Variants in SCEL observed in about 807,000 individuals in gnomAD.
SCEL encodes the protein sciellin.
A neutral mutation model predicts 117.6 loss-of-function variants in SCEL; 113 were observed. That is an observed-to-expected ratio of 0.96 (90% confidence interval 0.83 to 1.12). SCEL has a LOEUF of 1.12. Ranked by LOEUF, SCEL falls within the 50% of genes most tolerant of loss-of-function variation. The pLI, the probability that SCEL is intolerant of heterozygous loss-of-function variation, is 0.00. For missense variants in SCEL, 785 were observed against 810.8 expected (o/e 0.97, Z 0.39); for synonymous variants, 270 against 256.2 (o/e 1.05, Z -0.51).
At chr13:77,598,565 C>T (rs1294458359) in intron 13 of SCEL, among the ~76,000 whole-genome samples, 2 of 152,238 alleles carry the variant, frequency 1.3e-5, no homozygotes, top group Non-Finnish European at 2.9e-5. Context: ...GAGCAAATGC[C>T]CTGTCTGAGC....
chr13:77,593,638 C>A, intron 12 of SCEL, 65 bp downstream of exon 12: 1 of 1,204,260 alleles, frequency 8.3e-7, no homozygotes, highest in Non-Finnish European at 1.2e-6. Context: ...TGCTTAACCA[C>A]ACCTTTAAAA....
At chr13:77,641,222 T>C (rs74095832) in intron 31 of SCEL, among the ~76,000 whole-genome samples, 6,146 of 152,278 alleles carry the variant, frequency 0.04, 403 homozygotes, top group African/African-American at 0.14. Context: ...TCAGTCTGCT[T>C]TTGAGAGCAT....
chr13:77,582,201 A>G (rs2041925925), intron 9 of SCEL, among the ~76,000 whole-genome samples: 1 of 152,050 alleles, frequency 6.6e-6, no homozygotes, highest in South Asian at 2.1e-4. Flanking sequence ...TTTGTTTGTC[A>G]TCTGTGTATC....
chr13:77,615,632 A>G (rs2088965946), intron 24 of SCEL, among the ~76,000 whole-genome samples: 1 of 152,110 alleles, frequency 6.6e-6, no homozygotes, highest in African/African-American at 2.4e-5. Flanking sequence ...TGAGAGAAAA[A>G]ATGTTACATT....
Position 77,644,308 on chromosome 13 carries a change from C to A in SCEL, c.*34C>A, listed in dbSNP as rs199698710. 1 of 1,606,670 alleles carries A rather than the reference C, an allele frequency of 6.2e-7. No individual in the cohort carries two copies. Reference sequence around the variant, plus strand: ...CAAGGAAATCAAGATGAAAAGCACTCATTAAGGAATTAAAGTTACAAGTTT... The same window carrying A: ...CAAGGAAATCAAGATGAAAAGCACTAATTAAGGAATTAAAGTTACAAGTTT... On this transcript the variant is annotated 3_prime_UTR_variant, in exon 33 of 33. Transcript: ENST00000349847.
chr13:77,586,363 C>T (rs552887135), intron 9 of SCEL, among the ~76,000 whole-genome samples: 1 of 152,188 alleles, frequency 6.6e-6, no homozygotes, highest in African/African-American at 2.4e-5. Flanking sequence ...CCCGCTTTCT[C>T]TCTGTCCAGC....
intron 9 of SCEL, among the ~76,000 whole-genome samples, chr13:77,574,136 A>G (rs918077621): frequency 6.6e-6 from 1 of 152,234 alleles, no homozygotes; most frequent in Non-Finnish European, 1.5e-5. Flanking sequence ...TTATTCCAAT[A>G]TCATTATAAA....
rs1463237782 is a variant in SCEL at position 77,644,733 on chromosome 13, C to A, written c.*459C>A. On this transcript the variant is annotated 3_prime_UTR_variant, in exon 33 of 33. Transcript: ENST00000349847. ...AAATACTAACAACAATTTTCTTATA[C>A]AGTTTGGCAGAAAGATGTTAACATA... 6.5e-6 allele frequency: 1 copy of A among 153,622 alleles called. No individual in the cohort carries two copies. The highest frequency in any genetic ancestry group is 6.5e-5 in the Admixed American group (1 of 15,458). 9.5% of individuals were successfully genotyped at this position (153,622 alleles called of 1,614,324 possible). A position where few individuals can be genotyped will look rare whatever the true frequency, so the allele number is the denominator to read the frequency against.
At chr13:77,564,694 G>A (rs528935350) in intron 5 of SCEL, among the ~76,000 whole-genome samples, 1 of 152,278 alleles carries the variant, frequency 6.6e-6, no homozygotes, top group African/African-American at 2.4e-5. Context: ...AAGATGTGCT[G>A]CAATTGCAGG....
intron 9 of SCEL, among the ~76,000 whole-genome samples, chr13:77,582,475 G>A (rs1193929125): frequency 6.6e-6 from 1 of 152,136 alleles, no homozygotes; most frequent in Non-Finnish European, 1.5e-5. Flanking sequence ...TGATCCTCCT[G>A]CCTCGGCCTC....
chr13:77,604,710 A>G (rs1209223470), intron 19 of SCEL, among the ~76,000 whole-genome samples: 2 of 152,146 alleles, frequency 1.3e-5, no homozygotes, highest in African/African-American at 4.8e-5. Context: ...GTGTGAGTAC[A>G]TGTATTAGTG....
rs762035960 is a variant in SCEL, at chr13:77,640,694, T to A, written c.1857T>A (p.Asp619Glu). 1 of 1,591,026 alleles carries A rather than the reference T, an allele frequency of 6.3e-7. No homozygotes were observed. Among genetic ancestry groups the A allele is most frequent in the Non-Finnish European group, 8.6e-7 (1 of 1,163,974 alleles). The change falls in exon 31 of 33, where the codon GAT (aspartate) becomes GAA (glutamate). Residue 619 changes from aspartate (D) to glutamate (E), a missense_variant. Transcript: ENST00000349847. ...STSDRSVIER[D>E]MCTYCRKPLG... ...TCTATAGGTCTGTCATTGAAAGAGA[T>A]ATGTGCACTTACTGCCGAAAACCCT...
intron 10 of SCEL, 88 bp from the exon 11 acceptor site, chr13:77,591,307 T>C: frequency 1.2e-6 from 1 of 829,072 alleles, no homozygotes; most frequent in Non-Finnish European, 2.0e-6. Context: ...CTGATCTTTT[T>C]GTACATAAAT....
intron 2 of SCEL, among the ~76,000 whole-genome samples, chr13:77,556,310 G>C (rs1382093418): frequency 6.6e-6 from 1 of 152,170 alleles, no homozygotes; most frequent in Non-Finnish European, 1.5e-5. Flanking sequence ...TCCTGGCTCA[G>C]TTTATCCCAG....
intron 9 of SCEL, among the ~76,000 whole-genome samples, 153 bp downstream of exon 9, chr13:77,572,342 G>T (rs2085686877): frequency 6.6e-6 from 1 of 152,154 alleles, no homozygotes; most frequent in Non-Finnish European, 1.5e-5. Flanking sequence ...TGGTTGTAAG[G>T]TCAGGGCTAC....
chr13:77,550,425 A>C (rs887517036), intron 1 of SCEL, among the ~76,000 whole-genome samples: 10 of 149,098 alleles, frequency 6.7e-5, no homozygotes, highest in African/African-American at 9.8e-5. Context: ...ATATATATAT[A>C]TCTCCAAGGT....
intron 28 of SCEL, among the ~76,000 whole-genome samples, chr13:77,631,099 A>T (rs2090000991): frequency 6.6e-6 from 1 of 152,130 alleles, no homozygotes; most frequent in Non-Finnish European, 1.5e-5. Flanking sequence ...CCTTGACTGT[A>T]TAAGGAGCTC....
intron 13 of SCEL, among the ~76,000 whole-genome samples, chr13:77,598,813 G>A (rs946625969): frequency 3.9e-5 from 6 of 152,164 alleles, no homozygotes; most frequent in Non-Finnish European, 8.8e-5. Context: ...CTCCCAAGTA[G>A]CTGGGACTAC....
chr13:77,623,440 T>C (rs1349651557), intron 27 of SCEL: 1 of 152,202 alleles, frequency 6.6e-6, no homozygotes, highest in Non-Finnish European at 1.5e-5. Context: ...TTGTTCCTTT[T>C]CCACTTCCAT....
Sources: allele counts gnomAD v4.1 joint callset (sites outside exome capture counted in the v4.1 genomes callset), GRCh38; gene constraint gnomAD v4.1.1; transcripts MANE v1.5; gene names NCBI Gene and HGNC (gene_info 2026-07-23, HGNC 2026-07-21).